The following LDHAL6A variants were observed in gnomAD, a reference collection of about 807,000 sequenced individuals.
LDHAL6A encodes L-lactate dehydrogenase A-like 6A.
In LDHAL6A, 19 loss-of-function variants were observed where a neutral mutation model predicts 28.2. That is an observed-to-expected ratio of 0.67 (90% CI 0.47 to 0.99). The LOEUF (loss-of-function observed/expected upper bound fraction) is 0.99, where lower values mean the gene tolerates loss of function less well. Ranked by LOEUF, LDHAL6A falls within the 50% of genes least tolerant of loss-of-function variation. The probability of loss-of-function intolerance (pLI) is 0.00; values close to 1 mark genes in which losing one functional copy is unlikely to be tolerated. For missense variants in LDHAL6A, 372 were observed against 398.6 expected (o/e 0.93, Z 0.57); for synonymous variants, 144 against 134.4 (o/e 1.07, Z -0.49).
rs776230743 is a variant in LDHAL6A, at chr11:18,478,908, T to C, written c.*38T>C. 6.6e-6 allele frequency: 10 copies of C among 1,517,962 alleles called. No individual in the cohort carries two copies. The highest frequency in any genetic ancestry group is 9.0e-6 in the Non-Finnish European group (10 of 1,112,302). The allele number at this position is 1,517,962 out of a possible 1,614,324, so 94.0% of individuals were successfully genotyped here. Reference sequence around the variant, plus strand: ...CTAATTCTGTAGATTGAAGATGAAATAGTAGTTATGGAATTGTATATGTCA... The same window carrying C: ...CTAATTCTGTAGATTGAAGATGAAACAGTAGTTATGGAATTGTATATGTCA... On this transcript the variant is annotated 3_prime_UTR_variant, in exon 7 of 7. Coordinates refer to ENST00000280706, the MANE Select transcript of LDHAL6A (RefSeq NM_144972.5).
chr11:18,470,748 G>A (rs369023845), intron 3 of LDHAL6A, among the ~76,000 whole-genome samples: 1 of 151,260 alleles, frequency 6.6e-6, no homozygotes, highest in East Asian at 1.9e-4. Flanking sequence ...GTGCAGTGGC[G>A]TGATCTCGGC....
chr11:18,476,301 A>G (rs1849380136), intron 4 of LDHAL6A, 83 bp from the exon 5 acceptor site: 1 of 1,490,924 alleles, frequency 6.7e-7, no homozygotes. Context: ...ACTCAGGGCA[A>G]TTATAACAGT....
chr11:18,459,349 T>A (rs1194629930), intron 1 of LDHAL6A, among the ~76,000 whole-genome samples: 1 of 151,984 alleles, frequency 6.6e-6, no homozygotes, highest in African/African-American at 2.4e-5. Flanking sequence ...GACTCCAAGT[T>A]CTTCAGCTTT....
rs148403027 is a variant in LDHAL6A, at chr11:18,467,554, G to A, written c.418+1744G>A. Among the ~76,000 whole-genome samples, 396 of 151,952 alleles carry A rather than the reference G, an allele frequency of 2.6e-3. 2 individuals are homozygous for A. Among genetic ancestry groups the A allele is most frequent in the African/African-American group, 9.4e-3 (388 of 41,438 alleles). On this transcript the variant is annotated intron_variant, in intron 3 of 6. Coordinates refer to ENST00000280706, the MANE Select transcript of LDHAL6A (RefSeq NM_144972.5). ...GAAATCAGGATGTATTAAGTCTTCT[G>A]ACTATTCTTTAAGATTATTTTGGGT...
chr11:18,462,645 AACAAACAAAC>A (rs1848951979), intron 1 of LDHAL6A, among the ~76,000 whole-genome samples: 2 of 70,736 alleles, frequency 2.8e-5, no homozygotes, highest in African/African-American at 1.7e-4. Flanking sequence ...TCAAAAAACA[AACAAACAAAC>A]AAAAAAAAAA....
chr11:18,468,014 C>CATATATATACGTAT, intron 3 of LDHAL6A, among the ~76,000 whole-genome samples: 1 of 59,964 alleles, frequency 1.7e-5, no homozygotes, highest in African/African-American at 8.1e-5. Flanking sequence ...TATATATATA[C>CATATATATACGTAT]ATATATATAC....
In LDHAL6A at chr11:18,469,107, G is replaced by A. The variant is rs570781496; in HGVS notation, c.418+3297G>A. The A allele has an allele frequency of 4.0e-4, 191 of 479,098 alleles. 1 individual carries two copies. The South Asian group carries it at 5.9e-3, about 15-fold the overall frequency. 29.7% of individuals were successfully genotyped at this position (479,098 alleles called of 1,614,324 possible). ...GTTTTTTCACATCCTGAAATGTCACGGTGTCATTTTTGAAAGGAGAGCTGT... is the reference window on the plus strand; with the variant it reads ...GTTTTTTCACATCCTGAAATGTCACAGTGTCATTTTTGAAAGGAGAGCTGT... On this transcript the variant is annotated intron_variant, in intron 3 of 6. Transcript: ENST00000280706.
At position 18,471,210 on chromosome 11, in the gene LDHAL6A, G is replaced by GT. The variant is rs71313425; in HGVS notation, c.419-4239dup. ...AGAATTGTAAAACTAAACTTTAGAA[G>GT]TTTTTTTTTTTTTTTTTGAGAGAGG... On this transcript the variant is annotated intron_variant, in intron 3 of 6. Transcript: ENST00000280706. 7.3e-3 allele frequency among the ~76,000 whole-genome samples: 1,014 copies of GT among 138,872 alleles called. 4 individuals carry two copies. Among genetic ancestry groups the GT allele is most frequent in the Admixed American group, 0.011 (146 of 13,804 alleles). The allele number at this position is 138,872 out of a possible 152,430, so 91.1% of individuals were successfully genotyped here. A position where few individuals can be genotyped will look rare whatever the true frequency, so the allele number is the denominator to read the frequency against.
At chr11:18,465,582 T>A (rs1308537582) in intron 2 of LDHAL6A, 55 bp from the exon 3 acceptor site, 4 of 1,478,602 alleles carry the variant, frequency 2.7e-6, no homozygotes, top group Non-Finnish European at 3.7e-6. Flanking sequence ...GGAAGTATAC[T>A]TAAATGCCAG....
intron 1 of LDHAL6A, among the ~76,000 whole-genome samples, chr11:18,457,810 G>C (rs1788049765): frequency 6.6e-6 from 1 of 152,080 alleles, no homozygotes; most frequent in Admixed American, 6.6e-5. Flanking sequence ...TGAGATAACA[G>C]ATGTGAGCCA....
chr11:18,475,282 G>C (rs1201815205), intron 3 of LDHAL6A, 184 bp from the exon 4 acceptor site: 1 of 518,848 alleles, frequency 1.9e-6, no homozygotes, highest in African/African-American at 1.9e-5. Context: ...TCAACGAAAA[G>C]GTTTTTCATT....
intron 3 of LDHAL6A, among the ~76,000 whole-genome samples, chr11:18,472,436 A>C (rs1849276608): frequency 6.6e-6 from 1 of 152,210 alleles, no homozygotes. Flanking sequence ...TGGAAATATT[A>C]CCTGTTTAGA....
In LDHAL6A at chr11:18,475,647, T is replaced by C; in HGVS notation, c.592+8T>C. 6.2e-7 allele frequency: 1 copy of C among 1,606,654 alleles called. No homozygotes were observed. The highest frequency in any genetic ancestry group is 8.5e-7 in the Non-Finnish European group (1 of 1,176,634). On this transcript the variant is annotated splice_region_variant and intron_variant, in intron 4 of 6. Coordinates refer to ENST00000280706, the MANE Select transcript of LDHAL6A (RefSeq NM_144972.5). ...AGCATGGCGACTCAAGTGGTAAGCC[T>C]GAGGCACGATTGAGCCTCTGAAATA...
At chr11:18,472,386 G>A (rs1297180865) in intron 3 of LDHAL6A, among the ~76,000 whole-genome samples, 1 of 152,176 alleles carries the variant, frequency 6.6e-6, no homozygotes, top group Non-Finnish European at 1.5e-5. Context: ...ACCATCAATG[G>A]ATATTAAACA....
intron 3 of LDHAL6A, chr11:18,469,037 C>T (rs1324641174): frequency 1.5e-5 from 6 of 412,194 alleles, no homozygotes; most frequent in East Asian, 1.1e-4. Context: ...TACATTATCA[C>T]ATTGTACAAT....
chr11:18,476,268 C>G (rs560432248), intron 4 of LDHAL6A, 116 bp from the exon 5 acceptor site: 2 of 1,184,970 alleles, frequency 1.7e-6, no homozygotes, highest in Non-Finnish European at 2.3e-6. Flanking sequence ...GCTCAGATAT[C>G]GGAACATTCC....
rs778807726 is a variant in LDHAL6A at position 18,465,724 on chromosome 11, A to G, written c.332A>G (p.Gln111Arg). 74 of 1,613,736 alleles carry G rather than the reference A, an allele frequency of 4.6e-5. No individual in the cohort carries two copies. The highest frequency in any genetic ancestry group is 5.9e-5 in the Non-Finnish European group (70 of 1,179,712). ...KKGETRLDLV[Q>R]RNVSIFKLMI... Reference sequence around the variant, plus strand: ...GGAGAAACACGCCTTGATTTAGTCCAGCGAAATGTATCCATCTTTAAATTA... The same window carrying G: ...GGAGAAACACGCCTTGATTTAGTCCGGCGAAATGTATCCATCTTTAAATTA... The change falls in exon 3 of 7, where the codon CAG (glutamine) becomes CGG (arginine). Residue 111 changes from glutamine to arginine, a missense_variant. Around this residue, in one of 3 missense-constraint regions of LDHAL6A, gnomAD observed 291 missense variants for 302.9 expected, o/e 0.96. Coordinates refer to ENST00000280706, the MANE Select transcript of LDHAL6A (RefSeq NM_144972.5).
intron 3 of LDHAL6A, among the ~76,000 whole-genome samples, chr11:18,467,967 ACGTATATATATACGTATATATATG>A (rs1565071363): frequency 8.5e-4 from 14 of 16,410 alleles, no homozygotes; most frequent in African/African-American, 1.8e-3. Context: ...GTATATATAT[ACGTATATATATACGTATATATATG>A]CATATATATA....
At chr11:18,466,162 G>C (rs553281162) in intron 3 of LDHAL6A, among the ~76,000 whole-genome samples, 1 of 152,084 alleles carries the variant, frequency 6.6e-6, no homozygotes, top group African/African-American at 2.4e-5. Flanking sequence ...TGTTTTTTAT[G>C]GCTGCATAGG....
Sources: gnomAD v4.1 joint callset for allele counts (sites outside exome capture counted in the v4.1 genomes callset) on GRCh38, gnomAD v4.1.1 for gene constraint, gnomAD v4.1.1 regional missense constraint, MANE v1.5 for transcripts, NCBI Gene and HGNC (gene_info 2026-07-23, HGNC 2026-07-21) for gene names.